Variants in MTUS2 observed in about 807,000 individuals in gnomAD.
The protein encoded by MTUS2 is microtubule-associated tumor suppressor candidate 2.
Under a neutral mutation model 114.1 loss-of-function variants are expected in MTUS2, and 40 were observed. That is an observed-to-expected ratio of 0.35 (90% CI 0.27 to 0.46). The LOEUF is 0.46. Ranked by LOEUF, MTUS2 falls within the 20% of genes least tolerant of loss-of-function variation. The pLI, the probability that MTUS2 is intolerant of heterozygous loss-of-function variation, is 1.00. For synonymous variants in MTUS2, 688 were observed against 672.0 expected (o/e 1.02, Z -0.37); for missense variants, 1,679 against 1,705.4 (o/e 0.98, Z 0.27).
chr13:29,416,455 A>T (rs1474782090), intron 8 of MTUS2, among the ~76,000 whole-genome samples: 1 of 150,986 alleles, frequency 6.6e-6, no homozygotes, highest in East Asian at 1.9e-4. Context: ...TATATATAGC[A>T]TATATATAGC....
At chr13:29,088,538 T>G (rs1221507836) in intron 4 of MTUS2, among the ~76,000 whole-genome samples, 1 of 152,224 alleles carries the variant, frequency 6.6e-6, no homozygotes, top group Non-Finnish European at 1.5e-5. Context: ...TTCGTTAATG[T>G]TCTGCCTTGA....
At chr13:29,136,755 G>T (rs1891995075) in intron 5 of MTUS2, among the ~76,000 whole-genome samples, 1 of 152,078 alleles carries the variant, frequency 6.6e-6, no homozygotes, top group South Asian at 2.1e-4. Flanking sequence ...TTTTTGTACT[G>T]AGTTTTGTGA....
At chr13:29,434,287 T>C (rs770150981) in intron 8 of MTUS2, among the ~76,000 whole-genome samples, 1 of 152,126 alleles carries the variant, frequency 6.6e-6, no homozygotes, top group African/African-American at 2.4e-5. Flanking sequence ...GGGGCCCATC[T>C]GATGGGCTGA....
rs138280104 is a variant in MTUS2 at position 29,064,979 on chromosome 13, G to A, written c.2446+30854G>A. Among the ~76,000 whole-genome samples the A allele has an allele frequency of 1.9e-4, 29 of 152,248 alleles. No individual in the cohort carries two copies. In the East Asian group the frequency reaches 5.4e-3, roughly 28 times the overall value. ...ATCTCATTCTTTTTTATGACTGCATGGTATTCCACGGTATGTATGTTCCAC... is the reference window on the plus strand; with the variant it reads ...ATCTCATTCTTTTTTATGACTGCATAGTATTCCACGGTATGTATGTTCCAC... On this transcript the variant is annotated intron_variant, in intron 4 of 15. Transcript: ENST00000612955.
At chr13:29,486,246 T>C (rs1380558623) in intron 10 of MTUS2, among the ~76,000 whole-genome samples, 1 of 152,214 alleles carries the variant, frequency 6.6e-6, no homozygotes, top group Non-Finnish European at 1.5e-5. Flanking sequence ...CGATGCAGCT[T>C]TCCTAATGCC....
intron 1 of MTUS2, among the ~76,000 whole-genome samples, chr13:28,838,979 A>G (rs1790789337): frequency 6.7e-6 from 1 of 148,300 alleles, no homozygotes; most frequent in African/African-American, 2.5e-5. Flanking sequence ...ATTGTTTCAT[A>G]ATCACTGGGG....
At chr13:28,882,962 A>G (rs898033489) in intron 2 of MTUS2, among the ~76,000 whole-genome samples, 4 of 152,212 alleles carry the variant, frequency 2.6e-5, no homozygotes, top group African/African-American at 9.6e-5. Flanking sequence ...TAATAAAACA[A>G]TCCAATTTGA....
chr13:29,035,337 C>A (rs148865612), intron 4 of MTUS2, among the ~76,000 whole-genome samples: 1 of 152,134 alleles, frequency 6.6e-6, no homozygotes, highest in Non-Finnish European at 1.5e-5. Context: ...GCCTTCTTAG[C>A]GCTGCTGGGG....
chr13:28,980,195 A>G (rs1884295969), intron 2 of MTUS2, among the ~76,000 whole-genome samples: 1 of 152,258 alleles, frequency 6.6e-6, no homozygotes, highest in Non-Finnish European at 1.5e-5. Context: ...TAAATTGATT[A>G]CAATAGAGTC....
In MTUS2 at chr13:29,252,137, A is replaced by G. The variant is rs1235459776; in HGVS notation, c.2645-29567A>G. Among the ~76,000 whole-genome samples the G allele has an allele frequency of 3.3e-5, 5 of 152,110 alleles. No homozygotes were observed. The South Asian group carries it at 1.0e-3, about 32-fold the overall frequency. On this transcript the variant is annotated intron_variant, in intron 5 of 15. Transcript: ENST00000612955. ...CGCCAGGGCCTCTTCTCCTGTCCAA[A>G]CTAACTTTACAGGTAATAGTATTTT... is the stretch of plus-strand genomic sequence containing the variant.
chr13:28,965,450 G>A (rs1247629930), intron 2 of MTUS2, among the ~76,000 whole-genome samples: 1 of 152,164 alleles, frequency 6.6e-6, no homozygotes, highest in Non-Finnish European at 1.5e-5. Context: ...CTGGTTATGA[G>A]AGAGAACTGC....
At chr13:29,378,357 G>T (rs919504223) in intron 8 of MTUS2, among the ~76,000 whole-genome samples, 22 of 152,214 alleles carry the variant, frequency 1.4e-4, no homozygotes, top group Non-Finnish European at 2.9e-4. Flanking sequence ...TTATTGGCTT[G>T]AAATTTACAG....
At chr13:29,429,021 G>T (rs1876796480) in intron 8 of MTUS2, 1 of 937,288 alleles carries the variant, frequency 1.1e-6, no homozygotes. Flanking sequence ...TGAACAGGAG[G>T]CTCCCTTTAC....
rs1259130653 is a variant in MTUS2 at position 29,480,109 on chromosome 13, A to G, written c.3185-41A>G. 6.5e-6 allele frequency: 10 copies of G among 1,544,174 alleles called. No individual in the cohort carries two copies. Among genetic ancestry groups the G allele is most frequent in the Admixed American group, 5.9e-5 (3 of 50,764 alleles). ...AGGCTGAGTCCTTCCCATGCCTCCT[A>G]CGGCCATTTTTTAAAGAAAGATCTT... On this transcript the variant is annotated intron_variant, in intron 9 of 15. Transcript: ENST00000612955. This position sits in a 1 kb window ranked among gnomAD's most constrained non-coding sequence, Gnocchi z 4.4.
At position 29,033,960 on chromosome 13, in the gene MTUS2, C is replaced by T. The variant is rs1886946160; in HGVS notation, c.2281C>T (p.Arg761Trp). 1.9e-6 allele frequency: 3 copies of T among 1,613,992 alleles called. No individual in the cohort carries two copies. The highest frequency in any genetic ancestry group is 2.5e-6 in the Non-Finnish European group (3 of 1,179,880). Residue 761 changes from arginine (R) to tryptophan (W), a missense_variant, in exon 4 of 16, where the codon CGG becomes TGG. Coordinates refer to ENST00000612955, the MANE Select transcript of MTUS2 (RefSeq NM_001033602.4). The part of the protein sequence containing the change: ...AHYEVPPTFY[R>W]SAMLLKPQLG... The stretch of plus-strand genomic sequence containing the variant: ...TTATGAAGTCCCTCCAACTTTCTAT[C>T]GGTCAGCCATGCTCCTTAAGCCCCA...
intron 2 of MTUS2, among the ~76,000 whole-genome samples, chr13:28,905,225 T>A (rs1223827729): frequency 1.3e-5 from 2 of 151,556 alleles, no homozygotes. Flanking sequence ...CTTCCTCTTT[T>A]CCTAATTGAA....
At position 28,940,771 on chromosome 13, in the gene MTUS2, A is replaced by C. The variant is rs559213084; in HGVS notation, c.-242-83686A>C. 7.9e-5 allele frequency among the ~76,000 whole-genome samples: 12 copies of C among 152,322 alleles called. No individual in the cohort carries two copies. The South Asian group carries it at 2.5e-3, about 32-fold the overall frequency. On this transcript the variant is annotated intron_variant, in intron 2 of 15. Transcript: ENST00000612955. ...TGAAGCATGGACATAAAAAGGAATT[A>C]GAAAACTACGCCAAACAAATCATGA...
At chr13:29,213,625 C>A (rs755943686) in intron 5 of MTUS2, among the ~76,000 whole-genome samples, 1 of 152,110 alleles carries the variant, frequency 6.6e-6, no homozygotes, top group Non-Finnish European at 1.5e-5. Context: ...TTGAAATCTA[C>A]TTTTTTCATT....
chr13:29,057,946 C>G (rs981938755), intron 4 of MTUS2, among the ~76,000 whole-genome samples: 1 of 151,966 alleles, frequency 6.6e-6, no homozygotes, highest in African/African-American at 2.4e-5. Context: ...AATGGTGTTT[C>G]CATATGTAGC....
Sources: gnomAD v4.1 joint callset for allele counts (sites outside exome capture counted in the v4.1 genomes callset) on GRCh38, gnomAD v4.1.1 for gene constraint, Gnocchi (gnomAD v3.1) non-coding constraint, MANE v1.5 for transcripts, NCBI Gene and HGNC (gene_info 2026-07-23, HGNC 2026-07-21) for gene names.